Variants in FAT3 observed in about 807,000 individuals in gnomAD.
FAT3 encodes the protein protocadherin Fat 3.
In FAT3, 95 loss-of-function variants were observed where a neutral mutation model predicts 310.2. The observed-to-expected ratio is 0.31, with a 90% confidence interval of 0.26 to 0.36. FAT3 has a LOEUF of 0.36. Among genes scored for constraint, FAT3 ranks in the 10% least tolerant of loss-of-function variants. The probability of loss-of-function intolerance (pLI) is 1.00; values close to 1 mark genes in which losing one functional copy is unlikely to be tolerated. For synonymous variants in FAT3, 2,314 were observed against 2,192.9 expected (o/e 1.06, Z -1.54); for missense variants, 5,408 against 5,715.6 (o/e 0.95, Z 1.74).
intron 2 of FAT3, among the ~76,000 whole-genome samples, chr11:92,519,330 A>C (rs1953605954): frequency 6.6e-6 from 1 of 152,082 alleles, no homozygotes; most frequent in Non-Finnish European, 1.5e-5. Context: ...GGAACAATGA[A>C]CATCTACATA....
intron 1 of FAT3, among the ~76,000 whole-genome samples, chr11:92,330,965 G>GGTGTGTGT (rs375080524): frequency 2.1e-4 from 29 of 135,994 alleles, no homozygotes; most frequent in African/African-American, 8.1e-4. Flanking sequence ...AGGAGTAAAG[G>GGTGTGTGT]GTGTGTGTGT....
At chr11:92,748,793 T>C (rs570953477) in intron 4 of FAT3, 4 of 152,364 alleles carry the variant, frequency 2.6e-5, no homozygotes, top group South Asian at 4.1e-4. Context: ...TAATACTGCC[T>C]TCTTTTGCTT....
intron 2 of FAT3, among the ~76,000 whole-genome samples, chr11:92,496,356 C>T (rs1469450368): frequency 2.0e-5 from 3 of 152,068 alleles, no homozygotes; most frequent in Non-Finnish European, 2.9e-5. Flanking sequence ...ACCGCACCCT[C>T]TGCTGTTCCC....
rs576157184 is a variant in FAT3, at chr11:92,629,444, T to A, written c.3608-67940T>A. ...TTTTTTTTTTTTCTTTTTAAGAGAC[T>A]AGGTCTCACACTGTTCACCCAGGCT... On this transcript the variant is annotated intron_variant, in intron 3 of 27. Coordinates refer to ENST00000525166, the MANE Select transcript of FAT3 (RefSeq NM_001367949.2). Among the ~76,000 whole-genome samples, 55 of 145,120 alleles carry A rather than the reference T, an allele frequency of 3.8e-4. 1 individual carries two copies. The East Asian group carries it at 0.011, about 29-fold the overall frequency.
intron 2 of FAT3, among the ~76,000 whole-genome samples, chr11:92,432,187 G>A (rs1323920208): frequency 6.6e-6 from 1 of 152,164 alleles, no homozygotes; most frequent in Non-Finnish European, 1.5e-5. Context: ...GCAGTGGTTT[G>A]TAGTTCTCCT....
intron 13 of FAT3, among the ~76,000 whole-genome samples, chr11:92,823,394 G>A (rs1948021395): frequency 6.6e-6 from 1 of 152,152 alleles, no homozygotes; most frequent in African/African-American, 2.4e-5. Context: ...CAGCTTTTTA[G>A]GTATCACAGA....
intron 1 of FAT3, among the ~76,000 whole-genome samples, chr11:92,245,914 A>T (rs1428592361): frequency 6.6e-6 from 1 of 152,130 alleles, no homozygotes; most frequent in Admixed American, 6.6e-5. Context: ...CAATGGGGGA[A>T]GACCCAGGGG....
chr11:92,316,444 G>C (rs528154359), intron 1 of FAT3, among the ~76,000 whole-genome samples: 2 of 152,154 alleles, frequency 1.3e-5, no homozygotes, highest in South Asian at 4.2e-4. Context: ...GTCTGTTTTT[G>C]TATTGACAAT....
intron 9 of FAT3, among the ~76,000 whole-genome samples, chr11:92,794,749 A>C (rs1274553184): frequency 1.3e-5 from 2 of 152,196 alleles, no homozygotes; most frequent in Non-Finnish European, 2.9e-5. Context: ...CGCAAAAAAA[A>C]TGACCTTTGA....
At chr11:92,360,059 A>T (rs1454105692) in intron 2 of FAT3, among the ~76,000 whole-genome samples, 1 of 152,100 alleles carries the variant, frequency 6.6e-6, no homozygotes, top group Non-Finnish European at 1.5e-5. Flanking sequence ...CGCTACACTG[A>T]CTTCCACAAT....
chr11:92,870,806 T>C (rs1422399859), intron 22 of FAT3, among the ~76,000 whole-genome samples: 2 of 152,240 alleles, frequency 1.3e-5, no homozygotes. Context: ...TGGTAAGAGC[T>C]ACCGCTTGTT....
chr11:92,648,736 A>G (rs773149277), intron 3 of FAT3, among the ~76,000 whole-genome samples: 3 of 152,158 alleles, frequency 2.0e-5, no homozygotes, highest in Admixed American at 6.5e-5. Context: ...GACCATCTAT[A>G]AAATTGTGTC....
intron 1 of FAT3, among the ~76,000 whole-genome samples, chr11:92,312,279 A>C (rs775610424): frequency 4.6e-5 from 7 of 152,218 alleles, no homozygotes; most frequent in Non-Finnish European, 1.0e-4. Context: ...ATAGTCACAG[A>C]ATGTTACACA....
intron 4 of FAT3, among the ~76,000 whole-genome samples, chr11:92,756,127 A>G (rs1466725911): frequency 2.6e-5 from 4 of 152,244 alleles, no homozygotes; most frequent in African/African-American, 9.6e-5. Flanking sequence ...TCAAGGACCA[A>G]TAAAGTAGTT....
chr11:92,555,958 C>T (rs929470064), intron 3 of FAT3, among the ~76,000 whole-genome samples: 1 of 152,158 alleles, frequency 6.6e-6, no homozygotes, highest in Non-Finnish European at 1.5e-5. Flanking sequence ...ACCTTAACAG[C>T]CTCGGTCTGC....
chr11:92,509,228 A>T (rs1953210022), intron 2 of FAT3, among the ~76,000 whole-genome samples: 1 of 152,162 alleles, frequency 6.6e-6, no homozygotes, highest in African/African-American at 2.4e-5. Context: ...TCTTATAACG[A>T]TTTAATCAAA....
At chr11:92,481,251 T>C (rs1196635297) in intron 2 of FAT3, among the ~76,000 whole-genome samples, 2 of 152,210 alleles carry the variant, frequency 1.3e-5, no homozygotes, top group Non-Finnish European at 2.9e-5. Context: ...GCAATGATGA[T>C]ATTTAAATTA....
chr11:92,554,918 A>G (rs1322700729), intron 3 of FAT3, among the ~76,000 whole-genome samples: 1 of 152,202 alleles, frequency 6.6e-6, no homozygotes, highest in Non-Finnish European at 1.5e-5. Flanking sequence ...AATCTGCGAG[A>G]GAAGATGCCA....
chr11:92,372,881 G>A (rs372892739), intron 2 of FAT3, among the ~76,000 whole-genome samples: 3 of 152,176 alleles, frequency 2.0e-5, no homozygotes, highest in East Asian at 1.9e-4. Flanking sequence ...AGGATGGTCT[G>A]GATCTCCTGA....
Sources: allele counts gnomAD v4.1 joint callset (sites outside exome capture counted in the v4.1 genomes callset), GRCh38; gene constraint gnomAD v4.1.1; transcripts MANE v1.5; gene names NCBI Gene and HGNC (gene_info 2026-07-23, HGNC 2026-07-21).